The following RTL1 variants were observed in gnomAD, a reference collection of about 807,000 sequenced individuals.
The protein encoded by RTL1 is retrotransposon Gag like 1, also known as retrotransposon-like protein 1.
For synonymous variants in RTL1, 727 were observed against 748.4 expected, an observed-to-expected ratio of 0.97 and a Z score of 0.47; for missense variants, 1,681 against 1,767.5, an observed-to-expected ratio of 0.95 and a Z score of 0.88.
chr14:100,894,890 A>G (rs1362733231), intron 2 of RTL1: 1 of 152,358 alleles, frequency 6.6e-6, no homozygotes, highest in African/African-American at 2.4e-5. Context: ...CACTGCCCCC[A>G]GTGGGCAGTG....
At position 100,893,223 on chromosome 14, in the gene RTL1, G is replaced by T. The variant is rs772624111; in HGVS notation, c.-87+221C>A. Among the ~76,000 whole-genome samples the T allele has an allele frequency of 3.9e-5, 6 of 152,154 alleles. No individual in the cohort carries two copies. The highest frequency in any genetic ancestry group is 8.8e-5 in the Non-Finnish European group (6 of 68,040). ...TCTAGCTTATTTGGTGTTCGAGGAGGGACAGGACAGCTGGCCCAGGACCTG... is the reference window on the plus strand; with the variant it reads ...TCTAGCTTATTTGGTGTTCGAGGAGTGACAGGACAGCTGGCCCAGGACCTG... On this transcript the variant is annotated intron_variant, in intron 3 of 3. Transcript: ENST00000649591. This position sits in a 1 kb window ranked among gnomAD's most constrained non-coding sequence, Gnocchi z 4.2.
Position 100,882,844 on chromosome 14 carries a change from T to C in RTL1, c.1945A>G (p.Met649Val). 1.3e-6 allele frequency: 2 copies of C among 1,554,828 alleles called. No individual in the cohort carries two copies. The highest frequency in any genetic ancestry group is 2.4e-5 in the South Asian group (2 of 84,630). ...MLTNRQDYIQ[M>V]IPELFDQLHG... ...AACTGGTCAAACAGTTCCGGAATCA[T>C]CTGTATGTAGTCCTGTCTGTTGGTC... The change falls in exon 4 of 4, where the codon ATG (methionine) becomes GTG (valine). Residue 649 changes from methionine to valine, a missense_variant. Coordinates refer to ENST00000649591, the MANE Select transcript of RTL1 (RefSeq NM_001134888.3).
At chr14:100,901,312 C>T (rs73349365) in intron 2 of RTL1, among the ~76,000 whole-genome samples, 15,505 of 152,302 alleles carry the variant, frequency 0.1, 957 homozygotes, top group African/African-American at 0.17. Flanking sequence ...CAGACATGCG[C>T]GCACACACAC....
intron 2 of RTL1, among the ~76,000 whole-genome samples, chr14:100,898,254 T>A (rs1297318952): frequency 6.6e-6 from 1 of 152,152 alleles, no homozygotes; most frequent in African/African-American, 2.4e-5. Flanking sequence ...GTGTCACAAA[T>A]CGAGGTTTTA....
At chr14:100,902,380 C>A (rs1025643135) in intron 2 of RTL1, among the ~76,000 whole-genome samples, 10 of 152,242 alleles carry the variant, frequency 6.6e-5, no homozygotes, top group African/African-American at 2.4e-4. Flanking sequence ...TTCTTTTAGA[C>A]CTGGGACAGA....
In RTL1 at chr14:100,881,824, C is replaced by CGTCTTG; in HGVS notation, c.2959_2964dup (p.Gln987_Asp988dup). 1 of 1,613,900 alleles carries CGTCTTG rather than the reference C, an allele frequency of 6.2e-7. No individual in the cohort carries two copies. The highest frequency in any genetic ancestry group is 1.7e-5 in the Admixed American group (1 of 60,024). ...CTCACAGGTGGCAGAGCTCGGCCGC[C>CGTCTTG]GTCTTGTTCTGGCAGCTCCATGACG... On this transcript the variant is annotated inframe_insertion, in exon 4 of 4. Coordinates refer to ENST00000649591, the MANE Select transcript of RTL1 (RefSeq NM_001134888.3). The surrounding 1 kb of genome is among the most constrained non-coding windows in gnomAD (Gnocchi z 6.6).
chr14:100,891,147 C>T (rs2038771259), intron 3 of RTL1, among the ~76,000 whole-genome samples: 1 of 152,064 alleles, frequency 6.6e-6, no homozygotes, highest in Non-Finnish European at 1.5e-5. Flanking sequence ...GCAGGGGCTG[C>T]TGGCCTGGCA....
Position 100,903,403 on chromosome 14 carries a change from A to G in RTL1, c.-244-17T>C, listed in dbSNP as rs1011362568. 6.6e-6 allele frequency among the ~76,000 whole-genome samples: 1 copy of G among 152,110 alleles called. No homozygotes were observed. Among genetic ancestry groups the G allele is most frequent in the African/African-American group, 2.4e-5 (1 of 41,418 alleles). On this transcript the variant is annotated splice_polypyrimidine_tract_variant and intron_variant, in intron 1 of 3. Coordinates refer to ENST00000649591, the MANE Select transcript of RTL1 (RefSeq NM_001134888.3). ...TCAGTCGGTCTGGTGGGGGAAACAA[A>G]CAGGGAATAAGACACTGGAAATTGA...
At chr14:100,888,680 G>A (rs1369040495) in intron 3 of RTL1, among the ~76,000 whole-genome samples, 1 of 152,060 alleles carries the variant, frequency 6.6e-6, no homozygotes, top group African/African-American at 2.4e-5. Flanking sequence ...TTTATCAAAC[G>A]CAAAAAACTC....
In RTL1 at chr14:100,883,974, T is replaced by C; in HGVS notation, c.815A>G (p.Glu272Gly). 1 of 1,551,680 alleles carries C rather than the reference T, an allele frequency of 6.4e-7. No homozygotes were observed. Among genetic ancestry groups the C allele is most frequent in the Non-Finnish European group, 8.7e-7 (1 of 1,146,990 alleles). ...GTACTCAAACACTTCGGACATGGCCTCCAGGAAGGCTGGGAAGTCTCCGAT... is the reference window on the plus strand; with the variant it reads ...GTACTCAAACACTTCGGACATGGCCCCCAGGAAGGCTGGGAAGTCTCCGAT... ...PLIGDFPAFL[E>G]AMSEVFEYRQ... Residue 272 changes from glutamate to glycine, a missense_variant, in exon 4 of 4, where the codon GAG (glutamate) becomes GGG (glycine). Coordinates refer to ENST00000649591, the MANE Select transcript of RTL1 (RefSeq NM_001134888.3). This position sits in a 1 kb window ranked among gnomAD's most constrained non-coding sequence, Gnocchi z 5.9.
intron 3 of RTL1, among the ~76,000 whole-genome samples, chr14:100,885,171 C>T (rs567628381): frequency 6.6e-6 from 1 of 152,346 alleles, no homozygotes; most frequent in Non-Finnish European, 1.5e-5. Context: ...TGGGAGCAGC[C>T]ACCGTGGCAG....
In RTL1 at chr14:100,883,475, C is replaced by T. The variant is rs1367246689; in HGVS notation, c.1314G>A (p.Met438Ile). 1 of 1,551,328 alleles carries T rather than the reference C, an allele frequency of 6.4e-7. No homozygotes were observed. The highest frequency in any genetic ancestry group is 1.2e-5 in the South Asian group (1 of 84,054). ...AGTGCTCTTGGGCGAACTTCTCATC[C>T]ATGAAGTTGCCGTCAGCTCCCGAAT... ...LVDSGADGNF[M>I]DEKFAQEHYV... The change falls in exon 4 of 4, where the codon ATG (methionine) becomes ATA (isoleucine). Residue 438 changes from methionine to isoleucine, a missense_variant. Physicochemically the swap from Met to Ile is conservative, Grantham distance 10. Coordinates refer to ENST00000649591, the MANE Select transcript of RTL1 (RefSeq NM_001134888.3). This position sits in a 1 kb window ranked among gnomAD's most constrained non-coding sequence, Gnocchi z 5.9.
intron 3 of RTL1, 23 bp from the exon 4 acceptor site, chr14:100,884,897 G>T: frequency 9.8e-7 from 1 of 1,015,464 alleles, no homozygotes; most frequent in Non-Finnish European, 1.4e-6. Context: ...GGGGAGTGTG[G>T]GGAGTAAAGG....
In RTL1 at chr14:100,882,989, G is replaced by A. The variant is rs2038641080; in HGVS notation, c.1800C>T (p.Asp600=). 1.9e-6 allele frequency: 3 copies of A among 1,614,124 alleles called. No individual in the cohort carries two copies. The highest frequency in any genetic ancestry group is 2.5e-6 in the Non-Finnish European group (3 of 1,180,036). The change falls in exon 4 of 4, where the codon GAC becomes GAT. Residue 600 remains aspartate (D), a synonymous_variant. Coordinates refer to ENST00000649591, the MANE Select transcript of RTL1 (RefSeq NM_001134888.3). ...CGTAAAAGGTCTCGCTGTGATCACT[G>A]TCTCCAGCCTGCTGAAGCTCAGAGG... ...SEPSELQQAG[D]SDHSETFYEC...
At chr14:100,885,804 C>T (rs1035610444) in intron 3 of RTL1, among the ~76,000 whole-genome samples, 1 of 152,192 alleles carries the variant, frequency 6.6e-6, no homozygotes, top group Non-Finnish European at 1.5e-5. Flanking sequence ...CATATCTGCA[C>T]GCCTCTCCAA....
chr14:100,882,797 T>A lies in RTL1; in HGVS notation c.1992A>T (p.Thr664=). ...CAATGGTCCCACGCAGCTCCAGTTTTGTGAACCACTCGGCTCCGTGTAACT... is the reference window on the plus strand; with the variant it reads ...CAATGGTCCCACGCAGCTCCAGTTTAGTGAACCACTCGGCTCCGTGTAACT... ...FDQLHGAEWF[T]KLELRGTIVE... The change falls in exon 4 of 4, where the codon ACA becomes ACT. Residue 664 remains threonine (T), a synonymous_variant. Coordinates refer to ENST00000649591, the MANE Select transcript of RTL1 (RefSeq NM_001134888.3). 1 of 1,551,898 alleles carries A rather than the reference T, an allele frequency of 6.4e-7. No individual in the cohort carries two copies. Among genetic ancestry groups the A allele is most frequent in the South Asian group, 1.2e-5 (1 of 84,072 alleles).
chr14:100,884,121 G>C lies in RTL1; in HGVS notation c.668C>G (p.Thr223Ser), dbSNP rs922096263. 1 of 1,551,594 alleles carries C rather than the reference G, an allele frequency of 6.4e-7. No homozygotes were observed. Among genetic ancestry groups the C allele is most frequent in the Non-Finnish European group, 8.7e-7 (1 of 1,147,004 alleles). The change falls in exon 4 of 4, where the codon ACC (threonine) becomes AGC (serine). Residue 223 changes from threonine to serine, a missense_variant. Thr to Ser is a moderately conservative substitution (Grantham distance 58). Coordinates refer to ENST00000649591, the MANE Select transcript of RTL1 (RefSeq NM_001134888.3). ...GAACATTCTTGGGTAGCTCTGTAAG[G>C]TCAGTTGGCAGAGTACGATGAACTC... is the stretch of plus-strand genomic sequence containing the variant. ...FHEFIVLCQL[T>S]LQSYPRMFYN... is the part of the protein sequence containing the mutation.
At position 100,883,884 on chromosome 14, in the gene RTL1, G is replaced by A; in HGVS notation, c.905C>T (p.Thr302Ile). 1 of 1,551,586 alleles carries A rather than the reference G, an allele frequency of 6.4e-7. No homozygotes were observed. The highest frequency in any genetic ancestry group is 2.4e-5 in the East Asian group (1 of 40,912). Reference sequence around the variant, plus strand: ...GCTCTGGAACTCATCGATGTACTCAGTGGCAGAGCGGCCGCCCTGCCTGAT... The same window carrying A: ...GCTCTGGAACTCATCGATGTACTCAATGGCAGAGCGGCCGCCCTGCCTGAT... ...FTIRQGGRSA[T>I]EYIDEFQSLV... Residue 302 changes from threonine to isoleucine, a missense_variant, in exon 4 of 4, where the codon ACT (threonine) becomes ATT (isoleucine). By Grantham distance (89) the Thr-to-Ile change is moderately conservative. Coordinates refer to ENST00000649591, the MANE Select transcript of RTL1 (RefSeq NM_001134888.3). The surrounding 1 kb of genome is among the most constrained non-coding windows in gnomAD (Gnocchi z 5.9).
Position 100,880,371 on chromosome 14 carries a change from G to C in RTL1, c.*341C>G, listed in dbSNP as rs961811248. On this transcript the variant is annotated 3_prime_UTR_variant, in exon 4 of 4. Coordinates refer to ENST00000649591, the MANE Select transcript of RTL1 (RefSeq NM_001134888.3). ...TTGCTTGGCTGCGCCTGCTGTGCCTGCTTCTTCATCTGGCCACGCGTCATG... is the reference window on the plus strand; with the variant it reads ...TTGCTTGGCTGCGCCTGCTGTGCCTCCTTCTTCATCTGGCCACGCGTCATG... 6.6e-6 allele frequency among the ~76,000 whole-genome samples: 1 copy of C among 152,146 alleles called. No individual in the cohort carries two copies. The highest frequency in any genetic ancestry group is 1.5e-5 in the Non-Finnish European group (1 of 68,020).
Sources: allele counts gnomAD v4.1 joint callset (sites outside exome capture counted in the v4.1 genomes callset), GRCh38; gene constraint gnomAD v4.1.1; non-coding constraint Gnocchi (gnomAD v3.1); transcripts MANE v1.5; gene names NCBI Gene and HGNC (gene_info 2026-07-23, HGNC 2026-07-21).